VAV1: variants seen among roughly 807,000 people sequenced by gnomAD.
VAV1 encodes vav guanine nucleotide exchange factor 1, also known as proto-oncogene vav.
VAV1 carries 33 observed loss-of-function variants against 128.1 expected under a neutral mutation model. The observed-to-expected ratio is 0.26, with a 90% CI of 0.20 to 0.34. VAV1 has a LOEUF of 0.34. Ranked by LOEUF, VAV1 falls within the 10% of genes least tolerant of loss-of-function variation. The probability of loss-of-function intolerance (pLI) is 1.00; values close to 1 mark genes in which losing one functional copy is unlikely to be tolerated. For synonymous variants in VAV1, 394 were observed against 409.8 expected (o/e 0.96, Z 0.47); for missense variants, 715 against 1,093.7 (o/e 0.65, Z 4.88).
chr19:6,835,216 C>CAT (rs1972191920), intron 19 of VAV1, among the ~76,000 whole-genome samples: 345 of 7,116 alleles, frequency 0.048, no homozygotes, highest in African/African-American at 0.082. Flanking sequence ...TATATACATA[C>CAT]ACACACACAC....
In VAV1 at chr19:6,850,764, G is replaced by T; in HGVS notation, c.2217+7G>T. The T allele has an allele frequency of 6.2e-7, 1 of 1,613,812 alleles. No individual in the cohort carries two copies. The highest frequency in any genetic ancestry group is 8.5e-7 in the Non-Finnish European group (1 of 1,179,824). On this transcript the variant is annotated splice_region_variant and intron_variant, in intron 24 of 26. Coordinates refer to ENST00000602142, the MANE Select transcript of VAV1 (RefSeq NM_005428.4). ...GGCTTTCCGGGGGCTTACGGTAAGG[G>T]TCAATGTCCGCTCAATCCCAGCTTT...
At chr19:6,856,989 G>C (rs766662788) in intron 26 of VAV1, 65 bp from the exon 27 acceptor site, 17 of 1,485,060 alleles carry the variant, frequency 1.1e-5, no homozygotes, top group Non-Finnish European at 1.5e-5. Flanking sequence ...AGCCTGCCTG[G>C]TGTGTGGAGG....
chr19:6,854,332 C>T (rs564700411), intron 26 of VAV1, among the ~76,000 whole-genome samples: 1 of 152,308 alleles, frequency 6.6e-6, no homozygotes, highest in South Asian at 2.1e-4. Flanking sequence ...CAGAAACAAG[C>T]ACGGTACAAG....
chr19:6,814,667 C>CT (rs1568299138), intron 1 of VAV1, among the ~76,000 whole-genome samples: 1 of 25,100 alleles, frequency 4.0e-5, no homozygotes, highest in African/African-American at 2.3e-4. Context: ...TTCCTTCCTT[C>CT]CTTCCTTTCT....
rs1972421542 is a variant in VAV1 at position 6,843,170 on chromosome 19, A to G, written c.2012+4A>G. On this transcript the variant is annotated splice_donor_region_variant and intron_variant, in intron 22 of 26. Transcript: ENST00000602142. ...AGGACCTGTCTGTTCATCTCTGGTG[A>G]GTAGAAACATTTATTTTTGTTTCAA... The G allele has an allele frequency of 6.2e-7, 1 of 1,614,074 alleles. No homozygotes were observed. The highest frequency in any genetic ancestry group is 8.5e-7 in the Non-Finnish European group (1 of 1,179,980).
chr19:6,779,225 T>C (rs1161178799), intron 1 of VAV1, among the ~76,000 whole-genome samples: 2 of 150,852 alleles, frequency 1.3e-5, no homozygotes, highest in Non-Finnish European at 3.0e-5. Flanking sequence ...GCTAATTTTT[T>C]ATTTTTTGTA....
At position 6,810,071 on chromosome 19, in the gene VAV1, C is replaced by T. The variant is rs185354485; in HGVS notation, c.205-10631C>T. On this transcript the variant is annotated intron_variant, in intron 1 of 26. Coordinates refer to ENST00000602142, the MANE Select transcript of VAV1 (RefSeq NM_005428.4). ...GGTGCATGCCTGTAGTCCCAACACT[C>T]AGGAGGTTGAGGCAAGAGGATCAAT... Among the ~76,000 whole-genome samples, 626 of 152,126 alleles carry T rather than the reference C, an allele frequency of 4.1e-3. 6 individuals are homozygous for T. The highest frequency in any genetic ancestry group is 0.014 in the African/African-American group (601 of 41,510).
intron 14 of VAV1, among the ~76,000 whole-genome samples, chr19:6,830,905 T>C (rs752581104): frequency 2.0e-5 from 3 of 151,890 alleles, no homozygotes; most frequent in Non-Finnish European, 4.4e-5. Context: ...CTGGGCAACA[T>C]AGGGAGATCC....
At chr19:6,802,192 G>T (rs1222419170) in intron 1 of VAV1, among the ~76,000 whole-genome samples, 1 of 152,030 alleles carries the variant, frequency 6.6e-6, no homozygotes, top group Non-Finnish European at 1.5e-5. Flanking sequence ...GACTGTTGTG[G>T]GGTCGGGGAA....
rs916871435 is a variant in VAV1 at position 6,827,959 on chromosome 19, C to T, written c.928-117C>T. On this transcript the variant is annotated intron_variant, in intron 9 of 26. Transcript: ENST00000602142. ...GATGCTTTGGCCTCTAGAAAAATTC[C>T]CACAGCTCTGGGGTGGAGAGCTGCT... 1.9e-4 allele frequency: 156 copies of T among 819,194 alleles called. 4 individuals are homozygous for T. In the South Asian group the frequency reaches 2.5e-3, roughly 13 times the overall value. The allele number at this position is 819,194 out of a possible 1,614,324, so 50.7% of individuals were successfully genotyped here.
chr19:6,831,685 C>T (rs1423387474), intron 14 of VAV1, among the ~76,000 whole-genome samples: 1 of 152,228 alleles, frequency 6.6e-6, no homozygotes, highest in East Asian at 1.9e-4. Context: ...CTTACAGCAT[C>T]CGTCTCTCCT....
chr19:6,776,755 TTTTA>T (rs896060437), intron 1 of VAV1, among the ~76,000 whole-genome samples: 1 of 151,298 alleles, frequency 6.6e-6, no homozygotes, highest in African/African-American at 2.4e-5. Flanking sequence ...AATCTGTCTT[TTTTA>T]TTTATTTGTT....
intron 22 of VAV1, among the ~76,000 whole-genome samples, chr19:6,844,100 TTTTTG>T (rs879718942): frequency 1.6e-4 from 17 of 107,540 alleles, no homozygotes; most frequent in Non-Finnish European, 2.1e-4. Flanking sequence ...TTTTTTTTTT[TTTTTG>T]CAAATGAGGC....
At chr19:6,789,292 G>A (rs1055937039) in intron 1 of VAV1, among the ~76,000 whole-genome samples, 83 of 147,460 alleles carry the variant, frequency 5.6e-4, no homozygotes, top group Non-Finnish European at 4.1e-4. Flanking sequence ...TCACTCTGTC[G>A]CCCAGGCTGG....
chr19:6,795,707 G>A lies in VAV1; in HGVS notation c.204+22696G>A, dbSNP rs148027176. Among the ~76,000 whole-genome samples, 827 of 151,942 alleles carry A rather than the reference G, an allele frequency of 5.4e-3. 11 individuals are homozygous for A. Among genetic ancestry groups the A allele is most frequent in the African/African-American group, 0.019 (791 of 41,430 alleles). ...TGTTTGTTTGTTTGTTTTTTGAGAT[G>A]GAGTCTCACTCTGTCGCCCAGGCTG... On this transcript the variant is annotated intron_variant, in intron 1 of 26. Transcript: ENST00000602142.
chr19:6,809,395 G>A (rs1049717297), intron 1 of VAV1, among the ~76,000 whole-genome samples: 3 of 152,164 alleles, frequency 2.0e-5, no homozygotes, highest in African/African-American at 7.2e-5. Context: ...TCTTTGGCTG[G>A]TAGGAGCTGG....
At chr19:6,829,634 T>G in intron 13 of VAV1, 152 bp from the exon 14 acceptor site, 1 of 1,119,996 alleles carries the variant, frequency 8.9e-7, no homozygotes, top group Non-Finnish European at 1.3e-6. Context: ...GCGGATCACG[T>G]GGGTGAAGTC....
chr19:6,829,661 CATGGCCAAG>C (rs1972009018), intron 13 of VAV1, 116 bp from the exon 14 acceptor site: 2 of 1,429,508 alleles, frequency 1.4e-6, no homozygotes, highest in African/African-American at 2.8e-5. Flanking sequence ...GACAGGTGGG[CATGGCCAAG>C]TTGGCCAAGG....
intron 1 of VAV1, among the ~76,000 whole-genome samples, chr19:6,786,664 T>G (rs691502): frequency 0.2 from 31,020 of 151,846 alleles, 3,302 homozygotes; most frequent in African/African-American, 0.26. Flanking sequence ...GCGCCTATAG[T>G]CCCAGCTACT....
Sources: allele counts gnomAD v4.1 joint callset (sites outside exome capture counted in the v4.1 genomes callset), GRCh38; gene constraint gnomAD v4.1.1; transcripts MANE v1.5; gene names NCBI Gene and HGNC (gene_info 2026-07-23, HGNC 2026-07-21).